Variants in NOTCH2 observed in about 807,000 individuals in gnomAD.
NOTCH2 encodes the protein notch receptor 2.
NOTCH2 carries 29 observed loss-of-function variants against 235.8 expected under a neutral mutation model. The observed-to-expected ratio is 0.12, with a 90% CI of 0.09 to 0.17. The LOEUF (loss-of-function observed/expected upper bound fraction) is 0.17. Among genes scored for constraint, NOTCH2 ranks in the 10% least tolerant of loss-of-function variants. NOTCH2 has a pLI of 1.00. For synonymous variants in NOTCH2, 1,086 were observed against 1,141.5 expected, an observed-to-expected ratio of 0.95 and a Z score of 0.98; for missense variants, 2,285 against 3,150.2, an observed-to-expected ratio of 0.73 and a Z score of 6.57.
intron 33 of NOTCH2, 137 bp downstream of exon 33, chr1:119,917,528 G>C (rs1557802893): frequency 2.7e-6 from 2 of 732,712 alleles, no homozygotes; most frequent in East Asian, 2.5e-5. Flanking sequence ...TCAAGCTCTC[G>C]AAACCCAGTG....
chr1:120,005,319 C>A lies in NOTCH2; in HGVS notation c.415+10G>T. 1.9e-6 allele frequency: 3 copies of A among 1,614,010 alleles called. No individual in the cohort carries two copies. The highest frequency in any genetic ancestry group is 2.5e-6 in the Non-Finnish European group (3 of 1,179,872). On this transcript the variant is annotated intron_variant, in intron 3 of 33. Transcript: ENST00000256646. ...GGTAGGAAACCACTGGCTTTGGTCT[C>A]ATTAGTTACCTGTAAACCCGACTTG...
At chr1:119,998,772 G>C (rs1262231675) in intron 3 of NOTCH2, among the ~76,000 whole-genome samples, 1 of 148,300 alleles carries the variant, frequency 6.7e-6, no homozygotes, top group Non-Finnish European at 1.5e-5. Flanking sequence ...TATGTGCCAT[G>C]TTGGTGTGCT....
In NOTCH2 at chr1:119,937,998, G is replaced by C. The variant is rs782647890; in HGVS notation, c.3196C>G (p.Leu1066Val). The C allele has an allele frequency of 1.5e-5, 25 of 1,614,086 alleles. No homozygotes were observed. In the South Asian group the frequency reaches 2.4e-4, roughly 16 times the overall value. ...TGKNCQTLVNLCSRSPCKNKG... is the reference protein window; with the variant it reads ...TGKNCQTLVNVCSRSPCKNKG... Reference sequence around the variant, plus strand: ...TTTTTACATGGAGACCGACTGCAGAGATTCACCAGGGTCTGAAACAGAGGC... The same window carrying C: ...TTTTTACATGGAGACCGACTGCAGACATTCACCAGGGTCTGAAACAGAGGC... The change falls in exon 20 of 34, where the codon CTC becomes GTC. Residue 1066 changes from leucine to valine, a missense_variant. Physicochemically the swap from Leu to Val is conservative, Grantham distance 32 (BLOSUM62 1). Transcript: ENST00000256646.
chr1:120,069,220 C>G (rs1241696796), intron 1 of NOTCH2, 114 bp downstream of exon 1: 3 of 1,527,182 alleles, frequency 2.0e-6, no homozygotes, highest in South Asian at 2.4e-5. Context: ...GGCCTCGCTC[C>G]GCGCCGGCGG....
chr1:119,948,715 C>T lies in NOTCH2; in HGVS notation c.2600-149G>A, dbSNP rs1650349931. 3 of 969,012 alleles carry T rather than the reference C, an allele frequency of 3.1e-6. No homozygotes were observed. In the South Asian group the frequency reaches 4.1e-5, roughly 13 times the overall value. 60.0% of individuals were successfully genotyped at this position (969,012 alleles called of 1,614,324 possible). ...GCTTTAGGAAGTTCCAGGAAGACTTCTGTGGCCTAGGAAGTTGCTGCCAAG... is the reference window on the plus strand; with the variant it reads ...GCTTTAGGAAGTTCCAGGAAGACTTTTGTGGCCTAGGAAGTTGCTGCCAAG... On this transcript the variant is annotated intron_variant, in intron 16 of 33. Coordinates refer to ENST00000256646, the MANE Select transcript of NOTCH2 (RefSeq NM_024408.4).
In NOTCH2 at chr1:119,912,687, A is replaced by G. The variant is rs699779; in HGVS notation, c.*2619T>C. ...AAAAATAGCAGGGGAGGATCTATAC[A>G]TGGCATAAAAGATGTGTCTCATAAA... On this transcript the variant is annotated 3_prime_UTR_variant, in exon 34 of 34. Coordinates refer to ENST00000256646, the MANE Select transcript of NOTCH2 (RefSeq NM_024408.4). 34,495 of 233,196 alleles carry G rather than the reference A, an allele frequency of 0.15. 3,788 individuals are homozygous for G. The highest frequency in any genetic ancestry group is 0.34 in the African/African-American group (15,401 of 45,362). The allele number at this position is 233,196 out of a possible 1,614,324, so 14.4% of individuals were successfully genotyped here. A position where few individuals can be genotyped will look rare whatever the true frequency, so the allele number is the denominator to read the frequency against.
chr1:120,009,082 G>A (rs1182322176), intron 2 of NOTCH2, among the ~76,000 whole-genome samples: 1 of 152,074 alleles, frequency 6.6e-6, no homozygotes, highest in South Asian at 2.1e-4. Context: ...GTATCTTAGG[G>A]AAACACATTC....
At position 119,919,470 on chromosome 1, in the gene NOTCH2, G is replaced by A. The variant is rs755328078; in HGVS notation, c.5623C>T (p.Arg1875Trp). The change falls in exon 31 of 34, where the codon CGG becomes TGG. Residue 1875 changes from arginine (R) to tryptophan (W), a missense_variant. Arg to Trp is a moderately radical substitution (Grantham distance 101, BLOSUM62 -3). Around this residue, in one of 6 missense-constraint regions of NOTCH2, gnomAD observed 128 missense variants for 255.9 expected, o/e 0.50. Coordinates refer to ENST00000256646, the MANE Select transcript of NOTCH2 (RefSeq NM_024408.4). ...AGGTGCAGGGCCATCTCACCAGTCC[G>A]GTCTGTCTGGGCCTGGAGGCTGGCA... The part of the protein sequence containing the change: ...QGASLQAQTD[R>W]TGEMALHLAA... The A allele has an allele frequency of 1.1e-5, 18 of 1,613,690 alleles. No individual in the cohort carries two copies. Among genetic ancestry groups the A allele is most frequent in the South Asian group, 3.3e-5 (3 of 91,068 alleles).
Position 119,912,129 on chromosome 1 carries a change from G to A in NOTCH2, c.*3177C>T, listed in dbSNP as rs1247819246. ...ATTTCATCTTAACTACCTTTAGAAT[G>A]AAACGGAAAAGTAAAAACAAAGTGT... On this transcript the variant is annotated 3_prime_UTR_variant, in exon 34 of 34. Coordinates refer to ENST00000256646, the MANE Select transcript of NOTCH2 (RefSeq NM_024408.4). The A allele has an allele frequency of 4.3e-6, 1 of 233,446 alleles. No individual in the cohort carries two copies. The highest frequency in any genetic ancestry group is 2.2e-5 in the African/African-American group (1 of 45,342). 14.5% of individuals were successfully genotyped at this position (233,446 alleles called of 1,614,324 possible). A position where few individuals can be genotyped will look rare whatever the true frequency, so the allele number is the denominator to read the frequency against.
At chr1:119,985,141 G>A (rs1303923900) in intron 5 of NOTCH2, among the ~76,000 whole-genome samples, 1 of 152,102 alleles carries the variant, frequency 6.6e-6, no homozygotes, top group Non-Finnish European at 1.5e-5. Context: ...TCATATAACA[G>A]AAGAAGGATC....
chr1:119,915,737 G>T lies in NOTCH2; in HGVS notation c.6985C>A (p.Pro2329Thr). ...GGCAGGGGGCCCGCAACAGCTGGAG[G>T]GCAGGTGGACTGAGGCTGGGGAGCC... ...AGAPQPQSTCPPAVAGPLPTM... is the reference protein window; with the variant it reads ...AGAPQPQSTCTPAVAGPLPTM... Residue 2329 changes from proline (P) to threonine (T), a missense_variant, in exon 34 of 34, where the codon CCT becomes ACT. Around this residue, in one of 6 missense-constraint regions of NOTCH2, gnomAD observed 504 missense variants for 538.0 expected, o/e 0.94. Coordinates refer to ENST00000256646, the MANE Select transcript of NOTCH2 (RefSeq NM_024408.4). The T allele has an allele frequency of 6.2e-7, 1 of 1,608,118 alleles. No homozygotes were observed. Among genetic ancestry groups the T allele is most frequent in the Non-Finnish European group, 8.5e-7 (1 of 1,176,080 alleles).
intron 22 of NOTCH2, chr1:119,935,185 G>T: frequency 7.9e-7 from 1 of 1,269,562 alleles, no homozygotes; most frequent in Non-Finnish European, 1.0e-6. Context: ...TACTGACCAG[G>T]CTAATTTTTT....
Position 119,915,144 on chromosome 1 carries a change from C to A in NOTCH2, c.*162G>T. On this transcript the variant is annotated 3_prime_UTR_variant, in exon 34 of 34. Transcript: ENST00000256646. ...CCTTGCAGATACCCAGTGAAACTGA[C>A]GAATTGCTTCTCTTGCATTATCTGA... is the stretch of plus-strand genomic sequence containing the variant. The A allele has an allele frequency of 1.4e-6, 1 of 737,382 alleles. No homozygotes were observed. Among genetic ancestry groups the A allele is most frequent in the Non-Finnish European group, 2.3e-6 (1 of 432,600 alleles). The allele number at this position is 737,382 out of a possible 1,614,324, so 45.7% of individuals were successfully genotyped here.
intron 17 of NOTCH2, among the ~76,000 whole-genome samples, chr1:119,947,683 T>G (rs1553197209): frequency 6.6e-6 from 1 of 152,210 alleles, no homozygotes; most frequent in Non-Finnish European, 1.5e-5. Flanking sequence ...TAAAACCATA[T>G]GTCCACACAA....
At chr1:119,956,433 C>G (rs1350823664) in intron 12 of NOTCH2, among the ~76,000 whole-genome samples, 1 of 152,178 alleles carries the variant, frequency 6.6e-6, no homozygotes, top group African/African-American at 2.4e-5. Flanking sequence ...GAAACAGATA[C>G]CCACTCCTAT....
rs1553200154 is a variant in NOTCH2 at position 119,969,752 on chromosome 1, G to C, written c.875-8C>G. ...CCTCTGTGCAGAACTGTCCTTTTAG[G>C]GGGAAATTACTTTTGATTAGGGCTC... On this transcript the variant is annotated splice_polypyrimidine_tract_variant and splice_region_variant and intron_variant, in intron 5 of 33. Transcript: ENST00000256646. 1 of 1,613,108 alleles carries C rather than the reference G, an allele frequency of 6.2e-7. No homozygotes were observed. Among genetic ancestry groups the C allele is most frequent in the Non-Finnish European group, 8.5e-7 (1 of 1,179,200 alleles).
At position 119,997,397 on chromosome 1, in the gene NOTCH2, C is replaced by A. The variant is rs587739162; in HGVS notation, c.416-65G>T. 2.3e-5 allele frequency: 32 copies of A among 1,407,680 alleles called. 1 individual carries two copies. In the African/African-American group the frequency reaches 3.1e-4, roughly 13 times the overall value. 87.2% of individuals were successfully genotyped at this position (1,407,680 alleles called of 1,614,324 possible). On this transcript the variant is annotated intron_variant, in intron 3 of 33. Transcript: ENST00000256646. ...ATAGGAGATGGCCCCATCCTCAATA[C>A]CTCATTGACATCAGCGAGCTCTTGC...
chr1:120,027,563 C>A (rs1553210174), intron 2 of NOTCH2, among the ~76,000 whole-genome samples: 2 of 151,052 alleles, frequency 1.3e-5, no homozygotes, highest in Admixed American at 6.6e-5. Flanking sequence ...CACCTATCAA[C>A]CCGTCATCCA....
chr1:119,953,511 G>C (rs782703771), intron 14 of NOTCH2, 32 bp downstream of exon 14: 48 of 1,611,788 alleles, frequency 3.0e-5, no homozygotes, highest in Non-Finnish European at 3.8e-5. Context: ...AAGACAAAGA[G>C]CAGACGCAGA....
Sources: allele counts gnomAD v4.1 joint callset (sites outside exome capture counted in the v4.1 genomes callset), GRCh38; gene constraint gnomAD v4.1.1; regional missense constraint gnomAD v4.1.1; transcripts MANE v1.5; gene names NCBI Gene and HGNC (gene_info 2026-07-23, HGNC 2026-07-21).